Variants in PPP1R12A observed in about 807,000 individuals in gnomAD.
PPP1R12A encodes myosin binding subunit.
Under a neutral mutation model 139.6 loss-of-function variants are expected in PPP1R12A, and 19 were observed. The observed-to-expected ratio is 0.14, with a 90% CI of 0.09 to 0.20. PPP1R12A has a LOEUF of 0.20. PPP1R12A is among the 10% of genes least tolerant of loss of function. PPP1R12A has a pLI of 1.00. For synonymous variants in PPP1R12A, 427 were observed against 420.6 expected (o/e 1.02, Z -0.19); for missense variants, 925 against 1,211.5 (o/e 0.76, Z 3.51).
At chr12:79,787,438 A>G (rs960178495) in intron 21 of PPP1R12A, 1 of 152,132 alleles carries the variant, frequency 6.6e-6, no homozygotes, top group East Asian at 1.9e-4. Context: ...TAATTTTCTC[A>G]CCCATTTTTG....
At chr12:79,836,805 C>T (rs1878141921) in intron 3 of PPP1R12A, among the ~76,000 whole-genome samples, 1 of 152,142 alleles carries the variant, frequency 6.6e-6, no homozygotes, top group Non-Finnish European at 1.5e-5. Flanking sequence ...GCCATAGCTT[C>T]TTTGGATATT....
At chr12:79,838,031 G>A (rs1018596742) in intron 3 of PPP1R12A, among the ~76,000 whole-genome samples, 2 of 152,330 alleles carry the variant, frequency 1.3e-5, no homozygotes, top group Admixed American at 1.3e-4. Context: ...GAACAGTTTA[G>A]AGGGCTCAGA....
At chr12:79,900,976 T>C (rs948345954) in intron 1 of PPP1R12A, among the ~76,000 whole-genome samples, 29 of 152,154 alleles carry the variant, frequency 1.9e-4, no homozygotes, top group African/African-American at 7.0e-4. Context: ...TTCCTGAATA[T>C]CTAGCAATCA....
At chr12:79,863,643 GC>G (rs1881611581) in intron 2 of PPP1R12A, among the ~76,000 whole-genome samples, 1 of 11,278 alleles carries the variant, frequency 8.9e-5, no homozygotes, top group African/African-American at 3.5e-4. Flanking sequence ...CAAATTGAAA[GC>G]AAAAAAAAAA....
chr12:79,799,127 T>G (rs1872796091), intron 14 of PPP1R12A, among the ~76,000 whole-genome samples: 4 of 152,080 alleles, frequency 2.6e-5, no homozygotes, highest in Admixed American at 2.6e-4. Context: ...GGTATCAAAT[T>G]CCTTTCTAAA....
At chr12:79,824,038 C>G (rs1168859913) in intron 5 of PPP1R12A, 1 of 152,146 alleles carries the variant, frequency 6.6e-6, no homozygotes, top group Non-Finnish European at 1.5e-5. Flanking sequence ...ACAATCTATC[C>G]TTTCCCACTC....
intron 18 of PPP1R12A, among the ~76,000 whole-genome samples, chr12:79,795,251 T>C (rs1220259059): frequency 6.6e-6 from 1 of 152,146 alleles, no homozygotes. Flanking sequence ...TTAGCATGCT[T>C]TGAGATGGAA....
rs1467088477 is a variant in PPP1R12A, at chr12:79,918,181, G to A, written c.237+16514C>T. ...CTTAAAAAAAAAAAAACATAATCAC[G>A]AATCTGTATCCTGCGTTTTTTCTGT... On this transcript the variant is annotated intron_variant, in intron 1 of 24. Coordinates refer to ENST00000450142, the MANE Select transcript of PPP1R12A (RefSeq NM_002480.3). Among the ~76,000 whole-genome samples the A allele has an allele frequency of 2.7e-5, 4 of 150,478 alleles. No homozygotes were observed. In the East Asian group the frequency reaches 7.8e-4, roughly 29 times the overall value.
At chr12:79,873,496 T>TA (rs35604870) in intron 1 of PPP1R12A, among the ~76,000 whole-genome samples, 108,251 of 134,812 alleles carry the variant, frequency 0.8, 44,657 homozygotes, top group Non-Finnish European at 0.91. Flanking sequence ...ACTCATAATT[T>TA]AAAAAAAAAA....
chr12:79,902,111 T>C (rs189075698), intron 1 of PPP1R12A, among the ~76,000 whole-genome samples: 13 of 152,330 alleles, frequency 8.5e-5, no homozygotes, highest in African/African-American at 3.1e-4. Flanking sequence ...TGAGATCTTA[T>C]TCCCTAACAG....
intron 1 of PPP1R12A, among the ~76,000 whole-genome samples, chr12:79,902,026 G>A (rs898824066): frequency 2.4e-4 from 36 of 152,176 alleles, no homozygotes; most frequent in Non-Finnish European, 1.0e-4. Context: ...CTGAAGGGAA[G>A]TGTAGCTAGA....
rs376074512 is a variant in PPP1R12A, at chr12:79,805,652, G to A, written c.1940C>T (p.Thr647Ile). ...TVVNAAASTT[T>I]LTTTTAGTVS... ...AGTGCCAGCAGTAGTTGTAGTCAGG[G>A]TTGTGGTAGAAGCTGCAGCATTTAC... Residue 647 changes from threonine (T) to isoleucine (I), a missense_variant, in exon 14 of 25, where the codon ACC (threonine) becomes ATC (isoleucine). Transcript: ENST00000450142. 2 of 1,613,814 alleles carry A rather than the reference G, an allele frequency of 1.2e-6. No homozygotes were observed. The highest frequency in any genetic ancestry group is 1.7e-6 in the Non-Finnish European group (2 of 1,179,804).
intron 1 of PPP1R12A, among the ~76,000 whole-genome samples, chr12:79,899,959 C>T (rs1229495040): frequency 6.6e-6 from 1 of 152,028 alleles, no homozygotes; most frequent in Non-Finnish European, 1.5e-5. Flanking sequence ...TTGGTTGTAC[C>T]ATTCATGTTA....
intron 1 of PPP1R12A, among the ~76,000 whole-genome samples, chr12:79,897,565 GCAAAA>G (rs955079125): frequency 3.3e-5 from 5 of 151,918 alleles, no homozygotes; most frequent in South Asian, 2.1e-4. Context: ...TTACCAAAAA[GCAAAA>G]CAAAACAAAA....
At position 79,796,959 on chromosome 12, in the gene PPP1R12A, CATT is replaced by C; in HGVS notation, c.2293-12_2293-10del. On this transcript the variant is annotated splice_polypyrimidine_tract_variant and intron_variant, in intron 16 of 24. Coordinates refer to ENST00000450142, the MANE Select transcript of PPP1R12A (RefSeq NM_002480.3). ...CTATAACGCTGGTAAGTCTGTGAAA[CATT>C]AAGATCAAAACCCATTTGAAACATT... 1.3e-6 allele frequency: 2 copies of C among 1,589,714 alleles called. No homozygotes were observed. The highest frequency in any genetic ancestry group is 1.7e-6 in the Non-Finnish European group (2 of 1,171,872).
At chr12:79,834,360 T>C (rs1565767285) in intron 3 of PPP1R12A, among the ~76,000 whole-genome samples, 1 of 152,142 alleles carries the variant, frequency 6.6e-6, no homozygotes, top group Non-Finnish European at 1.5e-5. Flanking sequence ...GTAAGGACAA[T>C]GAGCGTGGTG....
chr12:79,812,482 C>T (rs1389124230), intron 9 of PPP1R12A, among the ~76,000 whole-genome samples: 12 of 150,206 alleles, frequency 8.0e-5, no homozygotes, highest in Admixed American at 2.0e-4. Context: ...TTTCCTTGTG[C>T]TAGCCCTTCC....
chr12:79,797,150 C>G (rs1395128019), intron 16 of PPP1R12A, 45 bp downstream of exon 16: 2 of 1,464,172 alleles, frequency 1.4e-6, no homozygotes, highest in Admixed American at 2.2e-5. Context: ...ATCATAAGGA[C>G]TATTCATACC....
At chr12:79,825,388 C>T (rs1196356893) in intron 5 of PPP1R12A, 11 of 151,912 alleles carry the variant, frequency 7.2e-5, no homozygotes, top group Admixed American at 7.2e-4. Flanking sequence ...TAGATACATT[C>T]TAGTAAAGCA....
Sources: allele counts gnomAD v4.1 joint callset (sites outside exome capture counted in the v4.1 genomes callset), GRCh38; gene constraint gnomAD v4.1.1; transcripts MANE v1.5; gene names NCBI Gene and HGNC (gene_info 2026-07-23, HGNC 2026-07-21).